The following RUNDC3B variants were observed in gnomAD, a reference collection of about 807,000 sequenced individuals.
RUNDC3B encodes the protein RUN domain containing 3B, also known as RUN domain-containing protein 3B.
In RUNDC3B, 33 loss-of-function variants were observed where a neutral mutation model predicts 58.4. The ratio of observed to expected loss-of-function variants is 0.56; its 90% confidence interval spans 0.43 to 0.75. The LOEUF is 0.75. Among genes scored for constraint, RUNDC3B ranks in the 30% least tolerant of loss-of-function variants. The pLI, the probability that RUNDC3B is intolerant of heterozygous loss-of-function variation, is 0.00. For missense variants in RUNDC3B, 501 were observed against 535.7 expected (o/e 0.94, Z 0.64); for synonymous variants, 193 against 195.2 (o/e 0.99, Z 0.10).
chr7:87,735,750 C>CT (rs1831888082), intron 4 of RUNDC3B, among the ~76,000 whole-genome samples: 1 of 152,130 alleles, frequency 6.6e-6, no homozygotes, highest in Admixed American at 6.6e-5. Context: ...TACTTAATGA[C>CT]TTTCCAAAGT....
At chr7:87,634,420 G>A (rs1237600913) in intron 1 of RUNDC3B, among the ~76,000 whole-genome samples, 2 of 145,264 alleles carry the variant, frequency 1.4e-5, no homozygotes, top group East Asian at 2.1e-4. Flanking sequence ...TCAAGAGTTC[G>A]AGACCAGCCT....
At chr7:87,822,388 A>G (rs1236637180) in intron 10 of RUNDC3B, among the ~76,000 whole-genome samples, 1 of 152,222 alleles carries the variant, frequency 6.6e-6, no homozygotes, top group East Asian at 1.9e-4. Context: ...TCAGGAAACA[A>G]CAGGTGCTGG....
intron 4 of RUNDC3B, among the ~76,000 whole-genome samples, chr7:87,725,242 C>T (rs1224706211): frequency 6.6e-6 from 1 of 152,174 alleles, no homozygotes; most frequent in South Asian, 2.1e-4. Context: ...CCTCCCCACT[C>T]CCCGCACCCC....
intron 4 of RUNDC3B, 65 bp downstream of exon 4, chr7:87,710,720 G>T: frequency 1.2e-6 from 1 of 854,436 alleles, no homozygotes; most frequent in Non-Finnish European, 1.9e-6. Flanking sequence ...TCAGAAATCA[G>T]AATAGGATGA....
chr7:87,629,108 G>C (rs1196895087), intron 1 of RUNDC3B, 163 bp downstream of exon 1: 1 of 595,840 alleles, frequency 1.7e-6, no homozygotes, highest in Non-Finnish European at 2.5e-6. Context: ...TTGGACAGGG[G>C]CCCGGGTCTG....
chr7:87,782,758 T>C (rs1409762900), intron 8 of RUNDC3B, among the ~76,000 whole-genome samples: 1 of 152,140 alleles, frequency 6.6e-6, no homozygotes, highest in African/African-American at 2.4e-5. Flanking sequence ...TTGGTGCCAA[T>C]GTGATTGTGT....
At chr7:87,738,955 G>T (rs1387419338) in intron 4 of RUNDC3B, among the ~76,000 whole-genome samples, 1 of 151,724 alleles carries the variant, frequency 6.6e-6, no homozygotes, top group Non-Finnish European at 1.5e-5. Context: ...ATAGAGTGGT[G>T]TTCACTCTCT....
intron 10 of RUNDC3B, among the ~76,000 whole-genome samples, chr7:87,827,610 A>G (rs922927681): frequency 6.6e-6 from 1 of 152,224 alleles, no homozygotes; most frequent in Non-Finnish European, 1.5e-5. Context: ...GCTAAAAAAA[A>G]TTAAGATATA....
intron 2 of RUNDC3B, among the ~76,000 whole-genome samples, chr7:87,658,978 C>A (rs1221816829): frequency 6.6e-6 from 1 of 152,104 alleles, no homozygotes; most frequent in South Asian, 2.1e-4. Flanking sequence ...ATGGCAAAAC[C>A]CTGTCTCTAC....
intron 8 of RUNDC3B, among the ~76,000 whole-genome samples, chr7:87,802,755 AGCACTTTAGGAG>A (rs2130926550): frequency 6.6e-6 from 1 of 152,294 alleles, no homozygotes; most frequent in East Asian, 1.9e-4. Context: ...CTGTAATCCC[AGCACTTTAGGAG>A]GCCTAGGTAG....
At chr7:87,704,798 C>T (rs1829442483) in intron 3 of RUNDC3B, among the ~76,000 whole-genome samples, 1 of 152,214 alleles carries the variant, frequency 6.6e-6, no homozygotes, top group Non-Finnish European at 1.5e-5. Context: ...GATTACCTCT[C>T]TTTATTCATT....
intron 1 of RUNDC3B, among the ~76,000 whole-genome samples, chr7:87,633,999 C>G (rs1012080099): frequency 1.3e-5 from 2 of 152,080 alleles, no homozygotes; most frequent in African/African-American, 2.4e-5. Flanking sequence ...TGTGCTTCAT[C>G]AAAACATGGT....
intron 6 of RUNDC3B, among the ~76,000 whole-genome samples, chr7:87,760,968 A>G (rs538120744): frequency 3.3e-5 from 5 of 152,172 alleles, no homozygotes; most frequent in Admixed American, 6.6e-5. Context: ...AAAAGAAAAA[A>G]TAGATAAATT....
chr7:87,777,294 CTG>C (rs1291197021), intron 7 of RUNDC3B, among the ~76,000 whole-genome samples: 1 of 152,176 alleles, frequency 6.6e-6, no homozygotes, highest in Non-Finnish European at 1.5e-5. Context: ...GATGGTGAAA[CTG>C]TGGCACAGAG....
intron 2 of RUNDC3B, among the ~76,000 whole-genome samples, chr7:87,693,101 AGGAAATGTTATTTTTT>A (rs749865729): frequency 1.7e-4 from 26 of 152,326 alleles, no homozygotes; most frequent in Middle Eastern, 6.8e-3. Flanking sequence ...CTATGAGAGA[AGGAAATGTTATTTTTT>A]GGGAATGTTA....
chr7:87,767,975 A>T (rs553422003), intron 6 of RUNDC3B, among the ~76,000 whole-genome samples: 4 of 152,282 alleles, frequency 2.6e-5, no homozygotes, highest in African/African-American at 9.6e-5. Context: ...AAAACTTTTC[A>T]CCCAGCCGAA....
Position 87,628,584 on chromosome 7 carries a change from CGTGTGTGTGTGTGTGTGTGTGTGT to C in RUNDC3B, c.-222_-199del, listed in dbSNP as rs71117546. ...CGAGGGCGGAGGTGGTGCGTGCGTG[CGTGTGTGTGTGTGTGTGTGTGTGT>C]GTGTGTGTGTGTGTGTGGAGCTCGG... is the stretch of plus-strand genomic sequence containing the variant. On this transcript the variant is annotated 5_prime_UTR_variant, in exon 1 of 11. Transcript: ENST00000394654. The C allele has an allele frequency of 1.4e-4, 41 of 290,648 alleles. No individual in the cohort carries two copies. Among genetic ancestry groups the C allele is most frequent in the South Asian group, 3.5e-4 (2 of 5,774 alleles). The allele number at this position is 290,648 out of a possible 1,614,324, so 18.0% of individuals were successfully genotyped here.
At chr7:87,777,765 A>C (rs1178534359) in intron 7 of RUNDC3B, 33 bp from the exon 8 acceptor site, 2 of 1,598,106 alleles carry the variant, frequency 1.3e-6, no homozygotes, top group African/African-American at 1.3e-5. Context: ...AGAATTTTGC[A>C]GTTTCTATAT....
At chr7:87,670,749 A>G (rs1215760326) in intron 2 of RUNDC3B, among the ~76,000 whole-genome samples, 1 of 152,124 alleles carries the variant, frequency 6.6e-6, no homozygotes, top group Non-Finnish European at 1.5e-5. Context: ...TTAGTGAGGT[A>G]TTTTTGATGT....
Sources: gnomAD v4.1 joint callset for allele counts (sites outside exome capture counted in the v4.1 genomes callset) on GRCh38, gnomAD v4.1.1 for gene constraint, MANE v1.5 for transcripts, NCBI Gene and HGNC (gene_info 2026-07-23, HGNC 2026-07-21) for gene names.